PAWR: variants seen among roughly 807,000 people sequenced by gnomAD.
The protein encoded by PAWR is PRKC apoptosis WT1 regulator protein.
In PAWR, 23 loss-of-function variants were observed where a neutral mutation model predicts 32.0. That is an observed-to-expected ratio of 0.72 (90% confidence interval 0.52 to 1.02). The LOEUF (loss-of-function observed/expected upper bound fraction) is 1.02, where lower values mean the gene tolerates loss of function less well. Among genes scored for constraint, PAWR ranks in the 50% least tolerant of loss-of-function variants. The pLI, the probability that PAWR is intolerant of heterozygous loss-of-function variation, is 0.00. For synonymous variants in PAWR, 226 were observed against 187.1 expected (o/e 1.21, Z -1.70); for missense variants, 457 against 437.7 (o/e 1.04, Z -0.39).
rs959198180 is a variant in PAWR, at chr12:79,590,594, A to G, written c.*2013T>C. On this transcript the variant is annotated 3_prime_UTR_variant, in exon 7 of 7. Transcript: ENST00000328827. ...ATTCAAAGTAATTCTTTTAATAAAA[A>G]CCCATATACTAATATATTTTAAGGT... is the stretch of plus-strand genomic sequence containing the variant. 5 of 152,206 alleles carry G rather than the reference A, an allele frequency of 3.3e-5. No individual in the cohort carries two copies. The highest frequency in any genetic ancestry group is 9.7e-5 in the African/African-American group (4 of 41,436). The allele number at this position is 152,206 out of a possible 1,614,324, so 9.4% of individuals were successfully genotyped here. A position where few individuals can be genotyped will look rare whatever the true frequency, so the allele number is the denominator to read the frequency against.
At chr12:79,658,210 G>A (rs578213367) in intron 2 of PAWR, among the ~76,000 whole-genome samples, 2 of 152,050 alleles carry the variant, frequency 1.3e-5, no homozygotes, top group Non-Finnish European at 2.9e-5. Flanking sequence ...CCTGGCATTG[G>A]CACCCTCCTA....
chr12:79,657,420 TA>T (rs34575494), intron 2 of PAWR, among the ~76,000 whole-genome samples: 141 of 142,532 alleles, frequency 9.9e-4, no homozygotes, highest in African/African-American at 1.3e-3. Flanking sequence ...TCAATATATT[TA>T]AAAAAAAAAA....
intron 2 of PAWR, among the ~76,000 whole-genome samples, chr12:79,630,428 T>C (rs1041405606): frequency 6.6e-6 from 1 of 152,032 alleles, no homozygotes; most frequent in Non-Finnish European, 1.5e-5. Flanking sequence ...GCCTCCCAAA[T>C]AGCTGGAACT....
chr12:79,634,496 C>T (rs1041272612), intron 2 of PAWR, among the ~76,000 whole-genome samples: 9 of 152,002 alleles, frequency 5.9e-5, no homozygotes, highest in African/African-American at 2.2e-4. Flanking sequence ...GAAGAGGGGA[C>T]AAGATAAGAA....
At chr12:79,649,988 C>T (rs1876762915) in intron 2 of PAWR, among the ~76,000 whole-genome samples, 1 of 152,098 alleles carries the variant, frequency 6.6e-6, no homozygotes, top group South Asian at 2.1e-4. Context: ...CTCACATGCA[C>T]AGTTCACAAT....
At chr12:79,618,980 C>G (rs1326936536) in intron 3 of PAWR, among the ~76,000 whole-genome samples, 2 of 151,760 alleles carry the variant, frequency 1.3e-5, no homozygotes, top group African/African-American at 2.4e-5. Flanking sequence ...TTCAGTTACC[C>G]ATGGTCAACC....
rs1008433635 is a variant in PAWR at position 79,625,680 on chromosome 12, C to T, written c.517-4473G>A. On this transcript the variant is annotated intron_variant, in intron 2 of 6. Transcript: ENST00000328827. ...CTAAAAATACAAAAAATTAGCTGGC[C>T]GTGGTGGTGGGCACCTGTAGTCCCA... 1.5e-4 allele frequency among the ~76,000 whole-genome samples: 23 copies of T among 151,968 alleles called. 1 individual carries two copies. The highest frequency in any genetic ancestry group is 1.4e-3 in the Admixed American group (22 of 15,280).
intron 5 of PAWR, among the ~76,000 whole-genome samples, chr12:79,595,823 G>T (rs1873729793): frequency 6.6e-6 from 1 of 152,076 alleles, no homozygotes; most frequent in Non-Finnish European, 1.5e-5. Context: ...TTGTACTCCA[G>T]CTTAGGCAAC....
chr12:79,625,644 C>A (rs948209380), intron 2 of PAWR, among the ~76,000 whole-genome samples: 3 of 151,972 alleles, frequency 2.0e-5, no homozygotes, highest in Non-Finnish European at 4.4e-5. Flanking sequence ...CACGGTGAAA[C>A]CCTGCCTCTA....
chr12:79,613,934 TATATATATA>T lies in PAWR; in HGVS notation c.649-334_649-326del, dbSNP rs1566002460. Among the ~76,000 whole-genome samples, 31 of 3,974 alleles carry T rather than the reference TATATATATA, an allele frequency of 7.8e-3. 1 individual carries two copies. The highest frequency in any genetic ancestry group is 0.016 in the African/African-American group (30 of 1,874). The allele number at this position is 3,974 out of a possible 152,430, so 2.6% of individuals were successfully genotyped here. A position where few individuals can be genotyped will look rare whatever the true frequency, so the allele number is the denominator to read the frequency against. ...GGGGCATTAAAAAGTACCACCATTATATATATATATATATATATATATATATATATATAT... is the reference window on the plus strand; with the variant it reads ...GGGGCATTAAAAAGTACCACCATTATTATATATATATATATATATATATAT... On this transcript the variant is annotated intron_variant, in intron 3 of 6. Transcript: ENST00000328827.
At position 79,590,731 on chromosome 12, in the gene PAWR, C is replaced by T. The variant is rs921476601; in HGVS notation, c.*1876G>A. The T allele has an allele frequency of 6.6e-6, 1 of 152,130 alleles. No homozygotes were observed. The highest frequency in any genetic ancestry group is 6.5e-5 in the Admixed American group (1 of 15,270). 9.4% of individuals were successfully genotyped at this position (152,130 alleles called of 1,614,324 possible). ...CTAAAGGAAGATGAGTACCTCACAA[C>T]CAAAAGCAGTTAACTATGCCTGGCA... On this transcript the variant is annotated 3_prime_UTR_variant, in exon 7 of 7. Coordinates refer to ENST00000328827, the MANE Select transcript of PAWR (RefSeq NM_002583.4).
chr12:79,611,258 ATT>A (rs1265328478), intron 4 of PAWR, among the ~76,000 whole-genome samples: 1 of 146,592 alleles, frequency 6.8e-6, no homozygotes, highest in South Asian at 2.1e-4. Context: ...TATTATATAT[ATT>A]TATATATAAT....
chr12:79,663,541 T>G (rs1447755305), intron 2 of PAWR, among the ~76,000 whole-genome samples: 1 of 152,196 alleles, frequency 6.6e-6, no homozygotes, highest in African/African-American at 2.4e-5. Context: ...GAGGATCGCT[T>G]GAGCCCAGGA....
At chr12:79,649,476 A>G (rs1337952509) in intron 2 of PAWR, among the ~76,000 whole-genome samples, 1 of 152,116 alleles carries the variant, frequency 6.6e-6, no homozygotes, top group East Asian at 1.9e-4. Context: ...AAAGTTGGAG[A>G]GTCTAAATAC....
chr12:79,619,588 A>G lies in PAWR; in HGVS notation c.648+1488T>C, dbSNP rs8176881. On this transcript the variant is annotated intron_variant, in intron 3 of 6. Coordinates refer to ENST00000328827, the MANE Select transcript of PAWR (RefSeq NM_002583.4). ...TTCAGGCATCCATTGGAGGTCTTGG[A>G]ACATAACTCCCTTTGATATGGGGGT... Among the ~76,000 whole-genome samples the G allele has an allele frequency of 4.8e-3, 734 of 152,294 alleles. 6 individuals are homozygous for G. The highest frequency in any genetic ancestry group is 0.017 in the African/African-American group (697 of 41,562).
chr12:79,685,118 T>C (rs1285765516), intron 2 of PAWR, among the ~76,000 whole-genome samples: 1 of 152,186 alleles, frequency 6.6e-6, no homozygotes, highest in Non-Finnish European at 1.5e-5. Context: ...AGAAATGACA[T>C]CCCAGCTCAG....
chr12:79,621,268 GT>G, intron 2 of PAWR, 61 bp from the exon 3 acceptor site: 1 of 1,234,572 alleles, frequency 8.1e-7, no homozygotes, highest in Non-Finnish European at 1.1e-6. Context: ...TCGATAATAT[GT>G]GAAAATATAT....
rs1877563986 is a variant in PAWR, at chr12:79,665,583, A to C, written c.516+24146T>G. On this transcript the variant is annotated intron_variant, in intron 2 of 6. Transcript: ENST00000328827. ...ATTTCATCTCAAGTATATACAAGTA[A>C]GGAATTAAGATGAACTTCCCCTTTC... Among the ~76,000 whole-genome samples, 3 of 152,238 alleles carry C rather than the reference A, an allele frequency of 2.0e-5. No homozygotes were observed. The South Asian group carries it at 6.2e-4, about 31-fold the overall frequency.
chr12:79,608,320 G>A (rs951940407), intron 4 of PAWR, among the ~76,000 whole-genome samples: 4 of 152,110 alleles, frequency 2.6e-5, no homozygotes, highest in Non-Finnish European at 5.9e-5. Context: ...CAGGGAGGAT[G>A]GTTTCGGGAT....
Sources: gnomAD v4.1 joint callset for allele counts (sites outside exome capture counted in the v4.1 genomes callset) on GRCh38, gnomAD v4.1.1 for gene constraint, MANE v1.5 for transcripts, NCBI Gene and HGNC (gene_info 2026-07-23, HGNC 2026-07-21) for gene names.